Variants in VAC14 observed in about 807,000 individuals in gnomAD.
VAC14 encodes the protein protein VAC14 homolog.
Under a neutral mutation model 85.3 loss-of-function variants are expected in VAC14, and 47 were observed. The observed-to-expected ratio is 0.55, with a 90% CI of 0.44 to 0.70. VAC14 has a LOEUF of 0.70. Ranked by LOEUF, VAC14 falls within the 30% of genes least tolerant of loss-of-function variation. The pLI is 0.00. For missense variants in VAC14, 861 were observed against 1,004.3 expected, an observed-to-expected ratio of 0.86 and a Z score of 1.93; for synonymous variants, 447 against 430.5, an observed-to-expected ratio of 1.04 and a Z score of -0.47.
chr16:70,688,899 G>A, intron 18 of VAC14: 1 of 985,452 alleles, frequency 1.0e-6, no homozygotes, highest in Non-Finnish European at 1.2e-6. Flanking sequence ...CCCTCCCTTT[G>A]GCCTCACTGG....
rs150871588 is a variant in VAC14, at chr16:70,791,982, G to T, written c.105-5617C>A. Among the ~76,000 whole-genome samples, 84 of 152,244 alleles carry T rather than the reference G, an allele frequency of 5.5e-4. 2 individuals carry two copies. In the East Asian group the frequency reaches 0.016, roughly 29 times the overall value. ...ATAGTCCAGGTTAGCAGGAGCAAAGGGCACCATTACTAGGACCCAAAAATG... is the reference window on the plus strand; with the variant it reads ...ATAGTCCAGGTTAGCAGGAGCAAAGTGCACCATTACTAGGACCCAAAAATG... On this transcript the variant is annotated intron_variant, in intron 1 of 18. Transcript: ENST00000261776.
chr16:70,732,620 A>C (rs1319291866), intron 13 of VAC14, among the ~76,000 whole-genome samples: 1 of 151,104 alleles, frequency 6.6e-6, no homozygotes, highest in Non-Finnish European at 1.5e-5. Flanking sequence ...AGAGATCCTC[A>C]CTCACTGTGC....
chr16:70,761,010 TGTGTGTGTGCATGGGG>T lies in VAC14; in HGVS notation c.1371+1514_1371+1529del, dbSNP rs1314058452. The T allele has an allele frequency of 7.4e-4, 241 of 323,672 alleles. 7 individuals carry two copies. In the African/African-American group the frequency reaches 8.0e-3, roughly 11 times the overall value. 20.1% of individuals were successfully genotyped at this position (323,672 alleles called of 1,614,324 possible). A position where few individuals can be genotyped will look rare whatever the true frequency, so the allele number is the denominator to read the frequency against. The stretch of plus-strand genomic sequence containing the variant: ...GTGTGTGTGTGTGTGTGTGTGTGTG[TGTGTGTGTGCATGGGG>T]GGGCGGGGGGTAGGCAGGAGAGGCC... On this transcript the variant is annotated intron_variant, in intron 12 of 18. Transcript: ENST00000261776.
At chr16:70,754,699 C>G (rs1393031926) in intron 12 of VAC14, among the ~76,000 whole-genome samples, 2 of 152,160 alleles carry the variant, frequency 1.3e-5, no homozygotes, top group Non-Finnish European at 2.9e-5. Flanking sequence ...CAAGAGGAGT[C>G]AAGTTCTTTG....
intron 1 of VAC14, among the ~76,000 whole-genome samples, chr16:70,793,358 G>T (rs74855371): frequency 1.2e-4 from 19 of 152,290 alleles, no homozygotes; most frequent in Non-Finnish European, 2.4e-4. Context: ...CTTAAAACAA[G>T]CCACTGAGTT....
chr16:70,787,883 A>G (rs1179258866), intron 1 of VAC14, among the ~76,000 whole-genome samples: 1 of 152,240 alleles, frequency 6.6e-6, no homozygotes, highest in Admixed American at 6.5e-5. Context: ...GGAGCTGGGC[A>G]TATGAAAGAC....
chr16:70,764,809 G>C (rs2032678601), intron 10 of VAC14, among the ~76,000 whole-genome samples: 1 of 152,202 alleles, frequency 6.6e-6, no homozygotes, highest in South Asian at 2.1e-4. Context: ...CCACGTGGCT[G>C]CCGCGGAGGC....
chr16:70,733,958 G>A (rs2054672165), intron 13 of VAC14, among the ~76,000 whole-genome samples: 1 of 152,100 alleles, frequency 6.6e-6, no homozygotes, highest in Non-Finnish European at 1.5e-5. Flanking sequence ...AAGTAGCTGG[G>A]ACTACAGGCG....
chr16:70,690,121 G>A (rs1056470952), intron 18 of VAC14: 49 of 985,554 alleles, frequency 5.0e-5, no homozygotes, highest in African/African-American at 1.2e-4. Context: ...AGATGGCGTC[G>A]GTGTGGCAGG....
At chr16:70,735,958 G>GAA (rs1355443945) in intron 13 of VAC14, among the ~76,000 whole-genome samples, 2 of 152,256 alleles carry the variant, frequency 1.3e-5, no homozygotes, top group Admixed American at 1.3e-4. Flanking sequence ...GGTGGCTGCA[G>GAA]AGACAGCTGT....
chr16:70,736,059 C>T (rs1047922960), intron 13 of VAC14, among the ~76,000 whole-genome samples: 1 of 152,180 alleles, frequency 6.6e-6, no homozygotes, highest in Non-Finnish European at 1.5e-5. Context: ...TTCATGCTGC[C>T]CACACTGGAG....
chr16:70,769,228 T>A (rs1342786296), intron 10 of VAC14: 1 of 160,786 alleles, frequency 6.2e-6, no homozygotes, highest in Non-Finnish European at 1.4e-5. Context: ...TCCAGCCAGG[T>A]GGGAATGCCT....
chr16:70,698,388 G>T (rs1282778597), intron 15 of VAC14, among the ~76,000 whole-genome samples: 1 of 152,188 alleles, frequency 6.6e-6, no homozygotes, highest in African/African-American at 2.4e-5. Context: ...GCTGCTGGGG[G>T]GTCAGGGTGG....
rs150068477 is a variant in VAC14 at position 70,746,130 on chromosome 16, C to A, written c.1372-1551G>T. Reference sequence around the variant, plus strand: ...TGTCAATGCAAACACAGTGCCAGTGCCTCCCCCACACTGCCCAATTGTCAC... The same window carrying A: ...TGTCAATGCAAACACAGTGCCAGTGACTCCCCCACACTGCCCAATTGTCAC... On this transcript the variant is annotated intron_variant, in intron 12 of 18. Transcript: ENST00000261776. 3.4e-3 allele frequency among the ~76,000 whole-genome samples: 517 copies of A among 152,328 alleles called. 3 individuals are homozygous for A. The highest frequency in any genetic ancestry group is 0.012 in the African/African-American group (484 of 41,572).
chr16:70,785,726 G>A lies in VAC14; in HGVS notation c.399C>T (p.Asn133=), dbSNP rs1356130123. ...VARGAVLPHF[N]VLFDGLSKLA... is the part of the protein sequence containing the mutation. ...CCTTGCTCAGCCCGTCAAAGAGCAC[G>A]TTGAAGTGGGGCAGCACAGCGCCCC... Residue 133 remains asparagine (N), a synonymous_variant, in exon 3 of 19, where the codon AAC becomes AAT. Transcript: ENST00000261776. 23 of 1,565,988 alleles carry A rather than the reference G, an allele frequency of 1.5e-5. 1 individual carries two copies. Among genetic ancestry groups the A allele is most frequent in the South Asian group, 9.4e-5 (8 of 85,158 alleles).
chr16:70,799,492 C>T (rs35426120), intron 1 of VAC14, among the ~76,000 whole-genome samples: 20,672 of 152,174 alleles, frequency 0.14, 1,593 homozygotes, highest in Middle Eastern at 0.21. Context: ...TCCAAAGCAA[C>T]ATTTGATTTG....
At chr16:70,712,788 T>G (rs931557457) in intron 14 of VAC14, among the ~76,000 whole-genome samples, 1 of 152,216 alleles carries the variant, frequency 6.6e-6, no homozygotes, top group Non-Finnish European at 1.5e-5. Flanking sequence ...GTTTTTATTG[T>G]ATGTGGTTTA....
Position 70,712,632 on chromosome 16 carries a change from G to A in VAC14, c.1662-13821C>T, listed in dbSNP as rs1020821358. 2.5e-4 allele frequency among the ~76,000 whole-genome samples: 38 copies of A among 152,128 alleles called. 1 individual carries two copies. The highest frequency in any genetic ancestry group is 8.9e-4 in the African/African-American group (37 of 41,416). On this transcript the variant is annotated intron_variant, in intron 14 of 18. Transcript: ENST00000261776. ...GACCACTGCTGCCAAACCAGCACCA[G>A]ACCGAGCCTCATGCTGATAAATGCA...
intron 13 of VAC14, among the ~76,000 whole-genome samples, chr16:70,740,972 G>A (rs1346232566): frequency 6.6e-6 from 1 of 152,262 alleles, no homozygotes; most frequent in South Asian, 2.1e-4. Context: ...TGATGGACTC[G>A]CTTCTCCACT....
Sources: gnomAD v4.1 joint callset for allele counts (sites outside exome capture counted in the v4.1 genomes callset) on GRCh38, gnomAD v4.1.1 for gene constraint, MANE v1.5 for transcripts, NCBI Gene and HGNC (gene_info 2026-07-23, HGNC 2026-07-21) for gene names.